Variants in CDH8 observed in about 807,000 individuals in gnomAD.
CDH8 encodes cadherin-8.
In CDH8, 17 loss-of-function variants were observed where a neutral mutation model predicts 68.1. The ratio of observed to expected loss-of-function variants is 0.25; its 90% CI spans 0.17 to 0.37. CDH8 has a LOEUF of 0.37. Among genes scored for constraint, CDH8 ranks in the 10% least tolerant of loss-of-function variants. CDH8 has a pLI of 1.00. For synonymous variants in CDH8, 372 were observed against 365.1 expected (o/e 1.02, Z -0.21); for missense variants, 763 against 999.3 (o/e 0.76, Z 3.19).
At chr16:61,737,428 T>C (rs1333660964) in intron 8 of CDH8, among the ~76,000 whole-genome samples, 1 of 152,038 alleles carries the variant, frequency 6.6e-6, no homozygotes, top group Non-Finnish European at 1.5e-5. Context: ...TTTATAAAAA[T>C]AAGAAGATGT....
chr16:61,670,725 T>C (rs1338072215), intron 10 of CDH8, among the ~76,000 whole-genome samples: 1 of 151,998 alleles, frequency 6.6e-6, no homozygotes, highest in Non-Finnish European at 1.5e-5. Flanking sequence ...CCCCAGGAGA[T>C]ACATGAAACC....
chr16:61,964,030 A>G (rs1373461529), intron 2 of CDH8, among the ~76,000 whole-genome samples: 1 of 152,156 alleles, frequency 6.6e-6, no homozygotes, highest in East Asian at 1.9e-4. Context: ...AATATCCTCA[A>G]ACGGTTCTTG....
intron 8 of CDH8, among the ~76,000 whole-genome samples, chr16:61,733,159 G>A (rs1487101507): frequency 6.6e-6 from 1 of 151,772 alleles, no homozygotes; most frequent in African/African-American, 2.4e-5. Flanking sequence ...CTATATAGGA[G>A]TAGCATTTTT....
At position 61,971,498 on chromosome 16, in the gene CDH8, G is replaced by A. The variant is rs1420946365; in HGVS notation, c.252+49654C>T. 3.9e-5 allele frequency among the ~76,000 whole-genome samples: 6 copies of A among 152,138 alleles called. No individual in the cohort carries two copies. In the South Asian group the frequency reaches 1.2e-3, roughly 31 times the overall value. On this transcript the variant is annotated intron_variant, in intron 2 of 11. Transcript: ENST00000577390. ...AGAGAAGCACAGAGCAAGGGAGGTG[G>A]GAATGGTTGCATACAGAGCTTCCCT...
rs75209152 is a variant in CDH8 at position 61,876,838 on chromosome 16, C to A, written c.548-19600G>T. 9.0e-3 allele frequency among the ~76,000 whole-genome samples: 1,370 copies of A among 151,980 alleles called. 22 individuals are homozygous for A. Among genetic ancestry groups the A allele is most frequent in the African/African-American group, 0.031 (1,269 of 41,466 alleles). ...ATTATCCTAGATTTAATGGAAAGCA[C>A]ATTTGGTATACGGATCAGCATATGT... On this transcript the variant is annotated intron_variant, in intron 3 of 11. Coordinates refer to ENST00000577390, the MANE Select transcript of CDH8 (RefSeq NM_001796.5).
chr16:61,843,680 A>T (rs927963207), intron 4 of CDH8, among the ~76,000 whole-genome samples: 3 of 152,006 alleles, frequency 2.0e-5, no homozygotes, highest in Non-Finnish European at 4.4e-5. Context: ...TTTGTTTTTT[A>T]AAAAAAGTTT....
At chr16:61,942,641 C>T (rs6498815) in intron 2 of CDH8, among the ~76,000 whole-genome samples, 75,216 of 152,106 alleles carry the variant, frequency 0.49, 20,723 homozygotes, top group African/African-American at 0.75. Context: ...ACTGCTAGCT[C>T]ACAACTCACC....
chr16:61,756,973 G>A (rs1378992354), intron 8 of CDH8, among the ~76,000 whole-genome samples: 1 of 152,116 alleles, frequency 6.6e-6, no homozygotes, highest in Non-Finnish European at 1.5e-5. Context: ...TCCATTTTTA[G>A]ATCCATTGAG....
At chr16:62,005,735 A>T (rs1406126268) in intron 2 of CDH8, among the ~76,000 whole-genome samples, 6 of 29,318 alleles carry the variant, frequency 2.0e-4, no homozygotes, top group Non-Finnish European at 2.9e-4. Flanking sequence ...ACTTCGTCTT[A>T]AAAAAAAAAA....
At chr16:61,967,500 T>C (rs989755605) in intron 2 of CDH8, among the ~76,000 whole-genome samples, 27 of 152,198 alleles carry the variant, frequency 1.8e-4, no homozygotes, top group African/African-American at 6.0e-4. Context: ...ATAAATAATT[T>C]GGAATATTTG....
At chr16:61,913,515 T>C (rs1964191743) in intron 2 of CDH8, among the ~76,000 whole-genome samples, 2 of 152,154 alleles carry the variant, frequency 1.3e-5, no homozygotes, top group South Asian at 2.1e-4. Context: ...AAAACACCTA[T>C]TATGCAGATT....
chr16:61,700,010 A>C (rs571122310), intron 10 of CDH8, among the ~76,000 whole-genome samples: 73 of 152,326 alleles, frequency 4.8e-4, no homozygotes, highest in Non-Finnish European at 9.1e-4. Flanking sequence ...TAATGTTCCC[A>C]AAATCAGAGT....
intron 1 of CDH8, among the ~76,000 whole-genome samples, chr16:62,034,594 C>A (rs1902407746): frequency 6.6e-6 from 1 of 152,084 alleles, no homozygotes; most frequent in Non-Finnish European, 1.5e-5. Context: ...TCCCTAGCGT[C>A]CCCTCGTTCC....
At chr16:61,668,211 C>T (rs541296363) in intron 10 of CDH8, among the ~76,000 whole-genome samples, 8 of 152,020 alleles carry the variant, frequency 5.3e-5, no homozygotes, top group African/African-American at 1.9e-4. Context: ...CAGAGCATAA[C>T]CATGAATTAA....
intron 7 of CDH8, among the ~76,000 whole-genome samples, chr16:61,789,744 T>C (rs1961334465): frequency 1.3e-5 from 2 of 152,078 alleles, no homozygotes; most frequent in South Asian, 2.1e-4. Flanking sequence ...TCTTCAAAAA[T>C]GGATGCTGAT....
chr16:61,817,376 G>T, intron 7 of CDH8, 103 bp downstream of exon 7: 1 of 1,116,704 alleles, frequency 9.0e-7, no homozygotes, highest in Non-Finnish European at 1.3e-6. Context: ...GGTCATGTGA[G>T]CATAGTCCCA....
intron 10 of CDH8, among the ~76,000 whole-genome samples, chr16:61,708,595 G>A (rs1452547330): frequency 1.2e-4 from 19 of 152,194 alleles, no homozygotes; most frequent in Admixed American, 2.6e-4. Context: ...ACAGTCATAT[G>A]CAACTTAGAA....
chr16:61,667,060 A>T (rs1963693814), intron 10 of CDH8: 1 of 152,046 alleles, frequency 6.6e-6, no homozygotes, highest in Non-Finnish European at 1.5e-5. Context: ...AACTTCCTAC[A>T]TAATTAATTG....
intron 8 of CDH8, among the ~76,000 whole-genome samples, chr16:61,743,970 T>C (rs1959950013): frequency 6.6e-6 from 1 of 152,138 alleles, no homozygotes; most frequent in Admixed American, 6.6e-5. Context: ...ATAATTTAAG[T>C]TTTTGTTGTT....
Sources: gnomAD v4.1 joint callset for allele counts (sites outside exome capture counted in the v4.1 genomes callset) on GRCh38, gnomAD v4.1.1 for gene constraint, MANE v1.5 for transcripts, NCBI Gene and HGNC (gene_info 2026-07-23, HGNC 2026-07-21) for gene names.